Variants in FRMD4A observed in about 807,000 individuals in gnomAD.
The protein encoded by FRMD4A is FERM domain containing 4A, also known as FERM domain-containing protein 4A.
In FRMD4A, 29 loss-of-function variants were observed where a neutral mutation model predicts 129.1. The observed-to-expected ratio is 0.22, with a 90% confidence interval of 0.17 to 0.31. The LOEUF (loss-of-function observed/expected upper bound fraction) is 0.31, where lower values mean the gene tolerates loss of function less well. Among genes scored for constraint, FRMD4A ranks in the 10% least tolerant of loss-of-function variants. The probability of loss-of-function intolerance (pLI) is 1.00; values close to 1 mark genes in which losing one functional copy is unlikely to be tolerated. For missense variants in FRMD4A, 1,272 were observed against 1,375.8 expected, an observed-to-expected ratio of 0.92 and a Z score of 1.19; for synonymous variants, 634 against 571.6, an observed-to-expected ratio of 1.11 and a Z score of -1.56.
intron 2 of FRMD4A, among the ~76,000 whole-genome samples, chr10:13,964,572 C>G (rs931471957): frequency 6.6e-6 from 1 of 152,110 alleles, no homozygotes; most frequent in Non-Finnish European, 1.5e-5. Flanking sequence ...ATGGGATCTT[C>G]CAAGTCTCTG....
At chr10:14,166,171 A>C (rs1841165958) in intron 2 of FRMD4A, among the ~76,000 whole-genome samples, 1 of 150,524 alleles carries the variant, frequency 6.6e-6, no homozygotes, top group Non-Finnish European at 1.5e-5. Flanking sequence ...TTATATAAAT[A>C]ATATATTAAC....
chr10:13,806,482 A>G (rs1183937107), intron 4 of FRMD4A, among the ~76,000 whole-genome samples: 1 of 152,210 alleles, frequency 6.6e-6, no homozygotes, highest in Non-Finnish European at 1.5e-5. Context: ...TAGGAATGGA[A>G]GCTAGAAGGG....
At chr10:14,196,208 T>C (rs1046940816) in intron 2 of FRMD4A, among the ~76,000 whole-genome samples, 1 of 151,774 alleles carries the variant, frequency 6.6e-6, no homozygotes, top group African/African-American at 2.4e-5. Context: ...CCAGCAGTCA[T>C]GGAAATATGG....
intron 2 of FRMD4A, among the ~76,000 whole-genome samples, chr10:13,955,112 C>CTCTTTTTT (rs2095401700): frequency 9.7e-6 from 1 of 102,974 alleles, no homozygotes; most frequent in Admixed American, 1.3e-4. Flanking sequence ...AATAATTCTG[C>CTCTTTTTT]TTTTTTTTTT....
At chr10:14,036,569 C>T (rs970120434) in intron 2 of FRMD4A, among the ~76,000 whole-genome samples, 22 of 152,140 alleles carry the variant, frequency 1.4e-4, no homozygotes, top group African/African-American at 3.9e-4. Context: ...CCTACCATGA[C>T]GGAATCACTG....
intron 24 of FRMD4A, 26 bp from the exon 25 acceptor site, chr10:13,647,061 G>A: frequency 6.3e-6 from 4 of 637,222 alleles, no homozygotes; most frequent in Non-Finnish European, 7.8e-6. Flanking sequence ...GAAAGGAGAT[G>A]AGACAGTTAG....
At chr10:14,175,159 T>C (rs1164568371) in intron 2 of FRMD4A, among the ~76,000 whole-genome samples, 1 of 152,206 alleles carries the variant, frequency 6.6e-6, no homozygotes, top group Non-Finnish European at 1.5e-5. Context: ...TAAATGTGGC[T>C]ACACACATCT....
chr10:13,975,063 G>A (rs565826456), intron 2 of FRMD4A, among the ~76,000 whole-genome samples: 38 of 151,978 alleles, frequency 2.5e-4, no homozygotes, highest in Non-Finnish European at 4.6e-4. Context: ...GAGTCTGTGT[G>A]TGTATGTGTG....
intron 18 of FRMD4A, among the ~76,000 whole-genome samples, chr10:13,665,721 C>A (rs2082977554): frequency 6.6e-6 from 1 of 152,208 alleles, no homozygotes; most frequent in Admixed American, 6.5e-5. Flanking sequence ...CCCAGCCCCA[C>A]CTGTCCTTCC....
chr10:13,795,302 C>A (rs1054429765), intron 5 of FRMD4A, among the ~76,000 whole-genome samples: 3 of 152,324 alleles, frequency 2.0e-5, no homozygotes, highest in African/African-American at 2.4e-5. Context: ...GCATTGAAAT[C>A]ATCCCCATCA....
intron 6 of FRMD4A, among the ~76,000 whole-genome samples, chr10:13,766,071 C>T (rs79901478): frequency 0.013 from 2,005 of 152,328 alleles, 78 homozygotes; most frequent in South Asian, 0.12. Context: ...TTGATTCATC[C>T]GCTAAACGAA....
At chr10:13,650,160 C>G (rs192196578) in intron 24 of FRMD4A, among the ~76,000 whole-genome samples, 26 of 152,332 alleles carry the variant, frequency 1.7e-4, no homozygotes, top group African/African-American at 6.0e-4. Flanking sequence ...TGGTTTATAA[C>G]TGCTTGGCAT....
At chr10:14,177,656 C>T (rs946758936) in intron 2 of FRMD4A, among the ~76,000 whole-genome samples, 3 of 152,146 alleles carry the variant, frequency 2.0e-5, no homozygotes, top group African/African-American at 4.8e-5. Context: ...AAACAAAATT[C>T]GACTGATTGC....
intron 2 of FRMD4A, among the ~76,000 whole-genome samples, chr10:14,166,938 T>G (rs905562339): frequency 1.3e-5 from 2 of 152,178 alleles, no homozygotes; most frequent in Admixed American, 6.5e-5. Flanking sequence ...TATATTTCTG[T>G]ACCATGCTAT....
chr10:13,659,558 T>A, intron 20 of FRMD4A, 68 bp from the exon 21 acceptor site: 1 of 1,467,882 alleles, frequency 6.8e-7, no homozygotes, highest in Non-Finnish European at 9.3e-7. Context: ...GGCTGGCTAG[T>A]TCAGGACAAT....
At chr10:14,139,450 AT>A (rs748923202) in intron 2 of FRMD4A, among the ~76,000 whole-genome samples, 4 of 95,154 alleles carry the variant, frequency 4.2e-5, no homozygotes, top group African/African-American at 1.4e-4. Context: ...TTTATTATTT[AT>A]TTTTTTTAAT....
At chr10:14,030,511 C>T (rs1332005386) in intron 2 of FRMD4A, among the ~76,000 whole-genome samples, 1 of 152,238 alleles carries the variant, frequency 6.6e-6, no homozygotes, top group African/African-American at 2.4e-5. Flanking sequence ...TATCAAGCTT[C>T]TGCCTTACCT....
intron 6 of FRMD4A, among the ~76,000 whole-genome samples, chr10:13,770,875 C>T (rs976013879): frequency 2.6e-5 from 4 of 152,170 alleles, no homozygotes; most frequent in African/African-American, 9.7e-5. Flanking sequence ...CAAGGGCATG[C>T]TCTAAACCTG....
At position 14,155,386 on chromosome 10, in the gene FRMD4A, C is replaced by G. The variant is rs1191321245; in HGVS notation, c.45+174672G>C. On this transcript the variant is annotated intron_variant, in intron 2 of 24. Coordinates refer to ENST00000357447, the MANE Select transcript of FRMD4A (RefSeq NM_018027.5). The stretch of plus-strand genomic sequence containing the variant: ...GAGAGACAGTACTGGTAAGAGTCAC[C>G]TTGATCCCAGCCCAGCACTGGGGGC... 2.6e-5 allele frequency among the ~76,000 whole-genome samples: 4 copies of G among 152,270 alleles called. No homozygotes were observed. In the East Asian group the frequency reaches 7.7e-4, roughly 29 times the overall value.
Sources: gnomAD v4.1 joint callset for allele counts (sites outside exome capture counted in the v4.1 genomes callset) on GRCh38, gnomAD v4.1.1 for gene constraint, MANE v1.5 for transcripts, NCBI Gene and HGNC (gene_info 2026-07-23, HGNC 2026-07-21) for gene names.